The following SMC5 variants were observed in gnomAD, a reference collection of about 807,000 sequenced individuals.
SMC5 encodes structural maintenance of chromosomes 5, also known as structural maintenance of chromosomes protein 5.
In SMC5, 88 loss-of-function variants were observed where a neutral mutation model predicts 148.3. The ratio of observed to expected loss-of-function variants is 0.59; its 90% CI spans 0.50 to 0.71. SMC5 has a LOEUF of 0.71. SMC5 is among the 30% of genes least tolerant of loss of function. SMC5 has a pLI of 0.00. For synonymous variants in SMC5, 421 were observed against 432.8 expected (o/e 0.97, Z 0.34); for missense variants, 1,142 against 1,298.9 (o/e 0.88, Z 1.86).
intron 17 of SMC5, among the ~76,000 whole-genome samples, chr9:70,330,076 T>C (rs2210086): frequency 0.64 from 96,804 of 151,884 alleles, 31,605 homozygotes; most frequent in Non-Finnish European, 0.71. Flanking sequence ...TCCCCCAACA[T>C]TGGGGATTAC....
intron 2 of SMC5, among the ~76,000 whole-genome samples, chr9:70,266,289 T>C (rs2034290857): frequency 1.3e-5 from 2 of 152,180 alleles, no homozygotes; most frequent in Admixed American, 1.3e-4. Flanking sequence ...AAGACATTTA[T>C]CAGGTAGAAG....
At chr9:70,274,900 C>T (rs1464628008) in intron 3 of SMC5, among the ~76,000 whole-genome samples, 1 of 151,860 alleles carries the variant, frequency 6.6e-6, no homozygotes, top group Admixed American at 6.6e-5. Flanking sequence ...TTTAAAACTC[C>T]TCAAAACATT....
intron 10 of SMC5, among the ~76,000 whole-genome samples, chr9:70,302,067 C>G (rs994135762): frequency 6.6e-6 from 1 of 152,188 alleles, no homozygotes; most frequent in Non-Finnish European, 1.5e-5. Context: ...GCATAGCCAA[C>G]AAGATGTCTA....
At chr9:70,309,738 G>A (rs774692965) in intron 11 of SMC5, among the ~76,000 whole-genome samples, 27 of 152,094 alleles carry the variant, frequency 1.8e-4, no homozygotes, top group Admixed American at 3.3e-4. Flanking sequence ...CACAGAAGTC[G>A]AACCTCTCAA....
At chr9:70,292,887 T>A (rs1031753711) in intron 8 of SMC5, among the ~76,000 whole-genome samples, 7 of 152,160 alleles carry the variant, frequency 4.6e-5, no homozygotes, top group African/African-American at 1.4e-4. Flanking sequence ...ATAATTCTTT[T>A]TACATATTGC....
At chr9:70,346,495 A>T in intron 18 of SMC5, 110 bp from the exon 19 acceptor site, 3 of 1,042,542 alleles carry the variant, frequency 2.9e-6, no homozygotes, top group Non-Finnish European at 4.4e-6. Flanking sequence ...CTGTCAAAGT[A>T]ATTAGATTCT....
intron 5 of SMC5, among the ~76,000 whole-genome samples, chr9:70,280,208 C>T (rs539472071): frequency 1.1e-4 from 16 of 152,270 alleles, no homozygotes; most frequent in African/African-American, 3.4e-4. Context: ...CTTGACCATC[C>T]GCTGAAAGAA....
rs150260127 is a variant in SMC5, at chr9:70,280,817, A to G, written c.737A>G (p.Tyr246Cys). The change falls in exon 6 of 25, where the codon TAT becomes TGT. Residue 246 changes from tyrosine to cysteine, a missense_variant. Physicochemically the swap from Tyr to Cys is radical, Grantham distance 194 (BLOSUM62 -2). Coordinates refer to ENST00000361138, the MANE Select transcript of SMC5 (RefSeq NM_015110.4). ...AAAATGGTTCAGAGGAATGAAAGATATAAACAAGATGTGGAGAGGTTCTAT... is the reference window on the plus strand; with the variant it reads ...AAAATGGTTCAGAGGAATGAAAGATGTAAACAAGATGTGGAGAGGTTCTAT... Reference protein sequence around the residue: ...LQKMVQRNERYKQDVERFYER... With the variant: ...LQKMVQRNERCKQDVERFYER... The G allele has an allele frequency of 3.1e-5, 50 of 1,613,912 alleles. No homozygotes were observed. The highest frequency in any genetic ancestry group is 3.3e-5 in the Admixed American group (2 of 60,016).
chr9:70,286,404 G>A, intron 8 of SMC5, 133 bp downstream of exon 8: 1 of 592,766 alleles, frequency 1.7e-6, no homozygotes, highest in Non-Finnish European at 2.9e-6. Context: ...TAATCCGAGG[G>A]AAAGTAAGAT....
chr9:70,308,166 G>A (rs1795324778), intron 11 of SMC5, among the ~76,000 whole-genome samples: 1 of 151,886 alleles, frequency 6.6e-6, no homozygotes. Flanking sequence ...ACTTACAATT[G>A]CAGTCCAGCT....
intron 8 of SMC5, 68 bp downstream of exon 8, chr9:70,286,339 T>A: frequency 1.0e-6 from 1 of 952,678 alleles, no homozygotes; most frequent in Non-Finnish European, 1.7e-6. Flanking sequence ...AAATACAGAT[T>A]ATGAGACAGA....
chr9:70,275,200 A>G (rs796184618), intron 3 of SMC5, among the ~76,000 whole-genome samples: 2 of 152,110 alleles, frequency 1.3e-5, no homozygotes, highest in South Asian at 4.2e-4. Flanking sequence ...GTATAGTATA[A>G]TATCATTGCT....
At chr9:70,299,451 G>T (rs1490128240) in intron 9 of SMC5, among the ~76,000 whole-genome samples, 4 of 151,676 alleles carry the variant, frequency 2.6e-5, no homozygotes, top group African/African-American at 9.7e-5. Flanking sequence ...TAAACTGGTT[G>T]TTCTTGAGGC....
At chr9:70,272,526 A>T (rs2034480226) in intron 3 of SMC5, among the ~76,000 whole-genome samples, 1 of 152,076 alleles carries the variant, frequency 6.6e-6, no homozygotes, top group Non-Finnish European at 1.5e-5. Flanking sequence ...CAACCTGGGC[A>T]ACATAGCGAG....
intron 15 of SMC5, among the ~76,000 whole-genome samples, chr9:70,322,693 G>A (rs181271598): frequency 4.5e-4 from 68 of 151,980 alleles, no homozygotes; most frequent in Non-Finnish European, 4.6e-4. Flanking sequence ...AAAATTATCC[G>A]GGCATGGCGG....
intron 8 of SMC5, among the ~76,000 whole-genome samples, chr9:70,289,966 A>G (rs1218712367): frequency 6.6e-6 from 1 of 151,900 alleles, no homozygotes; most frequent in Admixed American, 6.6e-5. Context: ...AAAACCCAAA[A>G]CCGTTTTGAG....
intron 17 of SMC5, among the ~76,000 whole-genome samples, chr9:70,332,988 C>T (rs2118727861): frequency 6.6e-6 from 1 of 152,230 alleles, no homozygotes; most frequent in East Asian, 1.9e-4. Flanking sequence ...TGGTGGAAAA[C>T]TGTAAACTGT....
intron 1 of SMC5, among the ~76,000 whole-genome samples, chr9:70,262,473 A>G (rs1261699005): frequency 2.0e-5 from 3 of 152,168 alleles, no homozygotes; most frequent in African/African-American, 7.2e-5. Context: ...GTCAAAAGAG[A>G]TGAAAGAACC....
chr9:70,302,320 C>T (rs1271590832), intron 10 of SMC5, among the ~76,000 whole-genome samples: 3 of 151,992 alleles, frequency 2.0e-5, no homozygotes, highest in African/African-American at 4.8e-5. Context: ...ATGGTGAAAC[C>T]CCATCTCTAC....
Sources: gnomAD v4.1 joint callset for allele counts (sites outside exome capture counted in the v4.1 genomes callset) on GRCh38, gnomAD v4.1.1 for gene constraint, MANE v1.5 for transcripts, NCBI Gene and HGNC (gene_info 2026-07-23, HGNC 2026-07-21) for gene names.